The following ERC2 variants were observed in gnomAD, a reference collection of about 807,000 sequenced individuals.
The protein encoded by ERC2 is ELKS/RAB6-interacting/CAST family member 2, also known as ERC protein 2.
In ERC2, 42 loss-of-function variants were observed where a neutral mutation model predicts 114.8. The observed-to-expected ratio is 0.37, with a 90% CI of 0.29 to 0.47. The LOEUF is 0.47. Among genes scored for constraint, ERC2 ranks in the 20% least tolerant of loss-of-function variants. The pLI, the probability that ERC2 is intolerant of heterozygous loss-of-function variation, is 0.99. For synonymous variants in ERC2, 454 were observed against 425.5 expected, an observed-to-expected ratio of 1.07 and a Z score of -0.82; for missense variants, 939 against 1,150.7, an observed-to-expected ratio of 0.82 and a Z score of 2.66.
In ERC2 at chr3:55,675,903, C is replaced by CTTTTTTTTTTTTTTTTTTTTT. The variant is rs869296098; in HGVS notation, c.*39+7870_*39+7890dup. ...TTCCATCTTTCTTTCTCTTTTCTTT[C>CTTTTTTTTTTTTTTTTTTTTT]TTTTTTTTTTTTTTTTTTTTTTTTT... On this transcript the variant is annotated intron_variant, in intron 17 of 17. Transcript: ENST00000288221. Among the ~76,000 whole-genome samples the CTTTTTTTTTTTTTTTTTTTTT allele has an allele frequency of 2.8e-3, 132 of 47,996 alleles. 29 individuals are homozygous for CTTTTTTTTTTTTTTTTTTTTT. The highest frequency in any genetic ancestry group is 2.8e-3 in the African/African-American group (30 of 10,562). The allele number at this position is 47,996 out of a possible 152,430, so 31.5% of individuals were successfully genotyped here. A position where few individuals can be genotyped will look rare whatever the true frequency, so the allele number is the denominator to read the frequency against.
chr3:56,069,936 A>G (rs1402814934), intron 7 of ERC2, among the ~76,000 whole-genome samples: 1 of 152,210 alleles, frequency 6.6e-6, no homozygotes, highest in Non-Finnish European at 1.5e-5. Flanking sequence ...GGAAAGTACA[A>G]AGTACAAAGA....
At chr3:55,564,789 G>T (rs2056258806) in intron 17 of ERC2, among the ~76,000 whole-genome samples, 1 of 152,208 alleles carries the variant, frequency 6.6e-6, no homozygotes, top group Non-Finnish European at 1.5e-5. Context: ...CAGCCACTAA[G>T]GCTGGAGCTT....
chr3:55,783,578 A>T (rs990250229), intron 14 of ERC2, among the ~76,000 whole-genome samples: 1 of 152,186 alleles, frequency 6.6e-6, no homozygotes, highest in East Asian at 1.9e-4. Flanking sequence ...AAAATAAAAA[A>T]CTTTCCTGCT....
intron 2 of ERC2, among the ~76,000 whole-genome samples, chr3:56,375,596 A>G (rs56138618): frequency 0.033 from 5,060 of 152,248 alleles, 178 homozygotes; most frequent in African/African-American, 0.081. Context: ...ATCCAATAGT[A>G]ATAATAAAGG....
chr3:55,835,781 G>A (rs2060849430), intron 14 of ERC2, among the ~76,000 whole-genome samples: 1 of 151,980 alleles, frequency 6.6e-6, no homozygotes, highest in South Asian at 2.1e-4. Flanking sequence ...GGAAATAAAG[G>A]GTATTCAATT....
At chr3:55,918,586 A>G (rs1045137898) in intron 13 of ERC2, among the ~76,000 whole-genome samples, 1 of 151,972 alleles carries the variant, frequency 6.6e-6, no homozygotes, top group African/African-American at 2.4e-5. Context: ...AATGTGGTGG[A>G]AATGATGCAC....
chr3:56,140,834 G>T (rs1013857433), intron 5 of ERC2, among the ~76,000 whole-genome samples: 6 of 152,004 alleles, frequency 3.9e-5, no homozygotes, highest in Non-Finnish European at 7.4e-5. Flanking sequence ...GACCAGCCTG[G>T]CCAATATGGT....
intron 2 of ERC2, among the ~76,000 whole-genome samples, chr3:56,335,393 C>T (rs1474878709): frequency 2.6e-5 from 4 of 152,094 alleles, no homozygotes; most frequent in Admixed American, 1.3e-4. Flanking sequence ...ACCAAAAAGA[C>T]GTGATGATTT....
chr3:55,990,597 G>T (rs988640567), intron 11 of ERC2, among the ~76,000 whole-genome samples: 9 of 151,994 alleles, frequency 5.9e-5, no homozygotes, highest in Admixed American at 5.2e-4. Context: ...GCTAATTATT[G>T]TAGATACAAG....
At chr3:56,423,819 T>C (rs1412156519) in intron 2 of ERC2, among the ~76,000 whole-genome samples, 3 of 152,252 alleles carry the variant, frequency 2.0e-5, no homozygotes, top group African/African-American at 7.2e-5. Flanking sequence ...TTTCAGAACC[T>C]GACCTTTACA....
At chr3:56,021,631 G>T (rs759190125) in intron 7 of ERC2, among the ~76,000 whole-genome samples, 1 of 151,942 alleles carries the variant, frequency 6.6e-6, no homozygotes, top group Non-Finnish European at 1.5e-5. Flanking sequence ...AAATAAACAC[G>T]TGTCAAGGGG....
intron 13 of ERC2, among the ~76,000 whole-genome samples, chr3:55,912,347 C>G (rs2064859239): frequency 6.6e-6 from 1 of 152,146 alleles, no homozygotes; most frequent in African/African-American, 2.4e-5. Flanking sequence ...ATCAACCCAT[C>G]ATTTTATAGG....
chr3:55,684,464 A>G (rs2062224901), intron 16 of ERC2, among the ~76,000 whole-genome samples: 1 of 152,218 alleles, frequency 6.6e-6, no homozygotes, highest in African/African-American at 2.4e-5. Context: ...CTCAGCATGA[A>G]AGAGGATGCA....
chr3:56,077,580 T>C (rs933318297), intron 7 of ERC2, among the ~76,000 whole-genome samples: 34 of 152,196 alleles, frequency 2.2e-4, no homozygotes, highest in African/African-American at 2.4e-5. Flanking sequence ...GGAAGTGCCA[T>C]CCCAAAATAT....
chr3:56,348,518 ATAC>A (rs58361951), intron 2 of ERC2, among the ~76,000 whole-genome samples: 35,409 of 147,782 alleles, frequency 0.24, 4,625 homozygotes, highest in Non-Finnish European at 0.29. Flanking sequence ...AATTTTATAT[ATAC>A]TACAATATTT....
chr3:55,936,830 A>T (rs1377593491), intron 13 of ERC2, among the ~76,000 whole-genome samples: 1 of 152,314 alleles, frequency 6.6e-6, no homozygotes, highest in South Asian at 2.1e-4. Context: ...ACAACATGAC[A>T]TCATCAGCAT....
intron 15 of ERC2, among the ~76,000 whole-genome samples, chr3:55,701,011 G>A (rs1196055088): frequency 6.6e-6 from 1 of 152,120 alleles, no homozygotes; most frequent in Non-Finnish European, 1.5e-5. Flanking sequence ...TTCATGAGTT[G>A]CCATAACAAT....
intron 2 of ERC2, among the ~76,000 whole-genome samples, chr3:56,394,204 A>G (rs549813239): frequency 1.3e-5 from 2 of 152,356 alleles, no homozygotes; most frequent in South Asian, 4.1e-4. Context: ...CAAAATAAGC[A>G]TGTTTAACTC....
At chr3:56,145,345 T>C (rs1488012816) in intron 5 of ERC2, among the ~76,000 whole-genome samples, 1 of 152,046 alleles carries the variant, frequency 6.6e-6, no homozygotes, top group Non-Finnish European at 1.5e-5. Context: ...CTGGAATGAG[T>C]AGATGAAAAA....
Sources: allele counts gnomAD v4.1 joint callset (sites outside exome capture counted in the v4.1 genomes callset), GRCh38; gene constraint gnomAD v4.1.1; transcripts MANE v1.5; gene names NCBI Gene and HGNC (gene_info 2026-07-23, HGNC 2026-07-21).